The following PRKN variants were observed in gnomAD, a reference collection of about 807,000 sequenced individuals.
PRKN encodes E3 ubiquitin-protein ligase parkin.
PRKN carries 56 observed loss-of-function variants against 59.5 expected under a neutral mutation model. The ratio of observed to expected loss-of-function variants is 0.94; its 90% confidence interval spans 0.76 to 1.18. The LOEUF is 1.18. PRKN is among the 50% of genes most tolerant of loss of function. The pLI is 0.00. For synonymous variants in PRKN, 250 were observed against 222.1 expected (o/e 1.13, Z -1.12); for missense variants, 657 against 596.4 (o/e 1.10, Z -1.06).
chr6:162,492,672 C>T (rs1006168041), intron 1 of PRKN, among the ~76,000 whole-genome samples: 18 of 152,072 alleles, frequency 1.2e-4, no homozygotes, highest in African/African-American at 4.1e-4. Flanking sequence ...AGGTGTGGGG[C>T]CGGGCGCGGT....
intron 7 of PRKN, among the ~76,000 whole-genome samples, chr6:161,671,796 C>T (rs1161941838): frequency 6.6e-6 from 1 of 152,190 alleles, no homozygotes; most frequent in Admixed American, 6.5e-5. Flanking sequence ...ATAAACAACG[C>T]TGTGTTCATC....
intron 1 of PRKN, among the ~76,000 whole-genome samples, chr6:162,706,887 T>C (rs574400976): frequency 1.8e-4 from 28 of 152,318 alleles, no homozygotes; most frequent in Non-Finnish European, 4.0e-4. Context: ...CTGATTATAT[T>C]GACCATATAC....
intron 1 of PRKN, among the ~76,000 whole-genome samples, chr6:162,638,162 ATTTC>A (rs1777807606): frequency 7.3e-6 from 1 of 136,696 alleles, no homozygotes; most frequent in South Asian, 2.3e-4. Context: ...GTTCCATATT[ATTTC>A]TTTTTCTCCA....
chr6:162,617,197 A>C (rs2128220000), intron 1 of PRKN, among the ~76,000 whole-genome samples: 2 of 152,240 alleles, frequency 1.3e-5, no homozygotes, highest in Middle Eastern at 3.4e-3. Context: ...TTTAAAATCT[A>C]TTCTTTTAGC....
At chr6:162,014,173 C>T (rs976217296) in intron 5 of PRKN, among the ~76,000 whole-genome samples, 4 of 152,276 alleles carry the variant, frequency 2.6e-5, no homozygotes, top group Admixed American at 6.5e-5. Context: ...TGATAAAAAT[C>T]AGCAGACATG....
intron 7 of PRKN, among the ~76,000 whole-genome samples, chr6:161,712,318 G>T (rs1005418676): frequency 1.3e-5 from 2 of 152,144 alleles, no homozygotes; most frequent in African/African-American, 2.4e-5. Flanking sequence ...AAACAATGGG[G>T]TCAACTGGAT....
intron 4 of PRKN, among the ~76,000 whole-genome samples, chr6:162,062,851 C>T (rs955744457): frequency 2.0e-5 from 3 of 152,040 alleles, no homozygotes; most frequent in Non-Finnish European, 4.4e-5. Flanking sequence ...GTCAGAACTC[C>T]TCAAATTGTA....
At chr6:162,114,891 T>C (rs960549103) in intron 4 of PRKN, among the ~76,000 whole-genome samples, 1 of 152,054 alleles carries the variant, frequency 6.6e-6, no homozygotes, top group African/African-American at 2.4e-5. Flanking sequence ...TTTTACACTG[T>C]TGGTGGGATT....
In PRKN at chr6:162,443,477, A is replaced by C. The variant is rs1267027054; in HGVS notation, c.8-4T>G. 1.2e-6 allele frequency: 2 copies of C among 1,613,844 alleles called. No homozygotes were observed. The highest frequency in any genetic ancestry group is 1.7e-6 in the Non-Finnish European group (2 of 1,179,860). ...CTGGAGTTGAACCTGACAAACACTG[A>C]CCAAGGAAATTGGAAGGGAGAAGAG... On this transcript the variant is annotated splice_polypyrimidine_tract_variant and splice_region_variant and intron_variant, in intron 1 of 11. Transcript: ENST00000366898.
intron 3 of PRKN, among the ~76,000 whole-genome samples, chr6:162,257,050 C>T (rs538679820): frequency 1.3e-5 from 2 of 152,194 alleles, no homozygotes; most frequent in Non-Finnish European, 2.9e-5. Context: ...ACAAGGTAGA[C>T]GGGGCCAGCC....
intron 7 of PRKN, among the ~76,000 whole-genome samples, chr6:161,663,577 A>T (rs12530434): frequency 0.28 from 42,586 of 152,044 alleles, 6,320 homozygotes; most frequent in African/African-American, 0.38. Flanking sequence ...ACTGCAGTTC[A>T]TGCCAGGATT....
chr6:162,324,823 G>T (rs1452524271), intron 2 of PRKN, among the ~76,000 whole-genome samples: 1 of 151,930 alleles, frequency 6.6e-6, no homozygotes. Flanking sequence ...TGAAGGGGAA[G>T]AATAAAAATA....
chr6:161,675,375 T>G (rs966832459), intron 7 of PRKN, among the ~76,000 whole-genome samples: 1 of 151,860 alleles, frequency 6.6e-6, no homozygotes, highest in Admixed American at 6.6e-5. Context: ...CATGGAAACA[T>G]AGAGAGGAGC....
intron 1 of PRKN, among the ~76,000 whole-genome samples, chr6:162,548,697 T>C (rs1307330440): frequency 6.6e-6 from 1 of 152,190 alleles, no homozygotes; most frequent in African/African-American, 2.4e-5. Context: ...CCATTTGAGC[T>C]TGAGCTGCAA....
intron 6 of PRKN, among the ~76,000 whole-genome samples, chr6:161,822,129 T>C (rs983108504): frequency 2.6e-5 from 4 of 151,994 alleles, no homozygotes; most frequent in Admixed American, 2.6e-4. Flanking sequence ...ATTCACTCAC[T>C]CAGTCTTTCT....
At chr6:161,537,597 A>T (rs60049713) in intron 9 of PRKN, among the ~76,000 whole-genome samples, 25,461 of 151,654 alleles carry the variant, frequency 0.17, 2,612 homozygotes, top group Middle Eastern at 0.3. Context: ...GACTACAGGC[A>T]CCCGCCACCA....
At chr6:161,934,845 T>A (rs548890213) in intron 6 of PRKN, among the ~76,000 whole-genome samples, 140 of 152,254 alleles carry the variant, frequency 9.2e-4, no homozygotes, top group African/African-American at 3.3e-3. Context: ...AGATAAAAAA[T>A]AGAAGTTTCA....
In PRKN at chr6:161,379,864, T is replaced by G. The variant is rs981962697; in HGVS notation, c.1167+6930A>C. 9.9e-5 allele frequency among the ~76,000 whole-genome samples: 15 copies of G among 152,250 alleles called. No individual in the cohort carries two copies. Among genetic ancestry groups the G allele is most frequent in the African/African-American group, 3.4e-4 (14 of 41,470 alleles). ...TCGAATCTCAAGCAGCTCAGGGTTT[T>G]CTTCCTGGAAAACATGTACTATTAC... On this transcript the variant is annotated intron_variant, in intron 10 of 11. Transcript: ENST00000366898. The surrounding 1 kb of genome is among the most constrained non-coding windows in gnomAD (Gnocchi z 4.9).
At chr6:161,946,412 A>ACTCTCT (rs1397205372) in intron 6 of PRKN, among the ~76,000 whole-genome samples, 5 of 94,212 alleles carry the variant, frequency 5.3e-5, no homozygotes, top group East Asian at 3.9e-4. Context: ...ACACACACAC[A>ACTCTCT]CACTCTCTCT....
Sources: allele counts gnomAD v4.1 joint callset (sites outside exome capture counted in the v4.1 genomes callset), GRCh38; gene constraint gnomAD v4.1.1; non-coding constraint Gnocchi (gnomAD v3.1); transcripts MANE v1.5; gene names NCBI Gene and HGNC (gene_info 2026-07-23, HGNC 2026-07-21).